The following IFT80 variants were observed in gnomAD, a reference collection of about 807,000 sequenced individuals.
IFT80 encodes the protein intraflagellar transport 80, also known as intraflagellar transport protein 80 homolog.
Under a neutral mutation model 107.9 loss-of-function variants are expected in IFT80, and 79 were observed. The ratio of observed to expected loss-of-function variants is 0.73; its 90% CI spans 0.61 to 0.88. IFT80 has a LOEUF of 0.88. Among genes scored for constraint, IFT80 ranks in the 40% least tolerant of loss-of-function variants. The pLI is 0.00. For synonymous variants in IFT80, 299 were observed against 300.9 expected, an observed-to-expected ratio of 0.99 and a Z score of 0.07; for missense variants, 797 against 914.2, an observed-to-expected ratio of 0.87 and a Z score of 1.65.
chr3:160,381,798 A>G, intron 2 of IFT80, 74 bp from the exon 3 acceptor site: 1 of 1,174,956 alleles, frequency 8.5e-7, no homozygotes, highest in Non-Finnish European at 1.3e-6. Flanking sequence ...GATGCAGATT[A>G]TAAGGTATAA....
chr3:160,277,294 C>A lies in IFT80; in HGVS notation c.2099+12G>T, dbSNP rs917855685. ...AACAGATTTTGGAACTGATGGAAAG[C>A]ATTCTTATTACCTTTCCCAGTTGTA... On this transcript the variant is annotated intron_variant, in intron 18 of 19. Transcript: ENST00000326448. 6.2e-7 allele frequency: 1 copy of A among 1,607,462 alleles called. No individual in the cohort carries two copies. Among genetic ancestry groups the A allele is most frequent in the African/African-American group, 1.3e-5 (1 of 74,848 alleles).
At chr3:160,383,902 A>G in intron 2 of IFT80, 4 of 985,446 alleles carry the variant, frequency 4.1e-6, no homozygotes, top group Non-Finnish European at 4.8e-6. Flanking sequence ...GCACAGTGGA[A>G]TGAATACATG....
intron 6 of IFT80, among the ~76,000 whole-genome samples, chr3:160,357,982 T>G (rs1721215644): frequency 6.6e-6 from 1 of 152,012 alleles, no homozygotes; most frequent in South Asian, 2.1e-4. Context: ...GATACTGCCT[T>G]CATGCTTGTT....
At chr3:160,265,002 A>T (rs1457915450) in intron 19 of IFT80, among the ~76,000 whole-genome samples, 1 of 152,166 alleles carries the variant, frequency 6.6e-6, no homozygotes, top group Non-Finnish European at 1.5e-5. Context: ...TTGCCTCACC[A>T]TAGGTCAGGA....
At chr3:160,381,227 A>G (rs1576897623) in intron 3 of IFT80, among the ~76,000 whole-genome samples, 1 of 86,654 alleles carries the variant, frequency 1.2e-5, no homozygotes, top group East Asian at 2.4e-4. Flanking sequence ...ACAGAGTGAG[A>G]CCCCATCTCT....
rs938799153 is a variant in IFT80 at position 160,381,112 on chromosome 3, C to T, written c.259+391G>A. Among the ~76,000 whole-genome samples the T allele has an allele frequency of 1.5e-4, 23 of 151,322 alleles. 1 individual carries two copies. The highest frequency in any genetic ancestry group is 5.6e-4 in the African/African-American group (23 of 41,312). ...ATTAACCAGATGTAATAGTGTGTGC[C>T]TGTAGTCCCAGCTACTCAAGAGGCT... On this transcript the variant is annotated intron_variant, in intron 3 of 19. Coordinates refer to ENST00000326448, the MANE Select transcript of IFT80 (RefSeq NM_020800.3).
chr3:160,392,396 T>C (rs1217069159), intron 1 of IFT80, among the ~76,000 whole-genome samples: 3 of 152,194 alleles, frequency 2.0e-5, no homozygotes, highest in African/African-American at 4.8e-5. Flanking sequence ...CCCACACTTT[T>C]ATATCTATTT....
chr3:160,381,412 T>C, intron 3 of IFT80, 91 bp downstream of exon 3: 1 of 950,036 alleles, frequency 1.1e-6, no homozygotes, highest in Non-Finnish European at 1.7e-6. Context: ...GATCCACAAA[T>C]ACCAGTTTTG....
chr3:160,353,520 T>C (rs546224065), intron 8 of IFT80, among the ~76,000 whole-genome samples: 2 of 152,376 alleles, frequency 1.3e-5, no homozygotes, highest in African/African-American at 4.8e-5. Flanking sequence ...ATGAAAATTT[T>C]ACAGACATTG....
intron 8 of IFT80, among the ~76,000 whole-genome samples, chr3:160,322,822 C>T (rs1303325554): frequency 6.6e-6 from 1 of 152,202 alleles, no homozygotes; most frequent in African/African-American, 2.4e-5. Flanking sequence ...CTTTTGGTTG[C>T]ATAAATGTCT....
At position 160,356,187 on chromosome 3, in the gene IFT80, A is replaced by G. The variant is rs775951500; in HGVS notation, c.640-37T>C. The G allele has an allele frequency of 2.5e-6, 4 of 1,585,436 alleles. No individual in the cohort carries two copies. The Middle Eastern group carries it at 5.1e-4, about 201-fold the overall frequency. ...ATTTTTAAAAATCTTTTATAATATC[A>G]GGGAGAAGTTTGCAAAAACTAAAAG... On this transcript the variant is annotated intron_variant, in intron 7 of 19. Transcript: ENST00000326448.
intron 10 of IFT80, 105 bp from the exon 11 acceptor site, chr3:160,304,094 C>T: frequency 1.3e-6 from 1 of 750,678 alleles, no homozygotes; most frequent in Admixed American, 2.1e-5. Flanking sequence ...AGTTTCATAG[C>T]AATTATATAC....
chr3:160,339,544 T>C (rs1005078253), intron 8 of IFT80, among the ~76,000 whole-genome samples: 4 of 152,190 alleles, frequency 2.6e-5, no homozygotes, highest in South Asian at 2.1e-4. Flanking sequence ...CAAAATGTGG[T>C]AAGGTTTTCT....
chr3:160,347,356 T>C (rs998912668), intron 8 of IFT80, among the ~76,000 whole-genome samples: 1 of 152,138 alleles, frequency 6.6e-6, no homozygotes, highest in Non-Finnish European at 1.5e-5. Context: ...AAAAATTGAT[T>C]CTGACATTTT....
In IFT80 at chr3:160,375,811, C is replaced by G; in HGVS notation, c.439+1G>C. The stretch of plus-strand genomic sequence containing the variant: ...ATGAAATTGTCAATTGTAAAACATA[C>G]CTTGCTGAGCTAAAGTTGATCTAAG... On this transcript the variant is annotated splice_donor_variant, in intron 5 of 19. Coordinates refer to ENST00000326448, the MANE Select transcript of IFT80 (RefSeq NM_020800.3). LOFTEE classifies it high-confidence loss of function. The G allele has an allele frequency of 6.2e-7, 1 of 1,607,140 alleles. No homozygotes were observed. The highest frequency in any genetic ancestry group is 8.5e-7 in the Non-Finnish European group (1 of 1,174,646).
rs1222935256 is a variant in IFT80, at chr3:160,346,921, G to C, written c.777+9092C>G. 2.0e-5 allele frequency among the ~76,000 whole-genome samples: 3 copies of C among 151,990 alleles called. No homozygotes were observed. In the East Asian group the frequency reaches 5.8e-4, roughly 29 times the overall value. On this transcript the variant is annotated intron_variant, in intron 8 of 19. Coordinates refer to ENST00000326448, the MANE Select transcript of IFT80 (RefSeq NM_020800.3). ...GTCTTTTCTGAGTGTGTCTGGCCCT[G>C]GGCATGTATGTTACATTCCAGATCC...
At chr3:160,290,654 C>G (rs1559921867) in intron 12 of IFT80, among the ~76,000 whole-genome samples, 1 of 152,042 alleles carries the variant, frequency 6.6e-6, no homozygotes, top group African/African-American at 2.4e-5. Flanking sequence ...AATCTCGGCT[C>G]ACTGCGAACT....
intron 8 of IFT80, among the ~76,000 whole-genome samples, chr3:160,346,178 T>A (rs1466656145): frequency 2.0e-5 from 3 of 152,178 alleles, no homozygotes; most frequent in Non-Finnish European, 4.4e-5. Context: ...CAGAAAGTTT[T>A]CAAAATCTAT....
intron 1 of IFT80, among the ~76,000 whole-genome samples, chr3:160,390,793 C>G (rs1302223988): frequency 6.6e-6 from 1 of 152,160 alleles, no homozygotes; most frequent in African/African-American, 2.4e-5. Context: ...ATATCATCAA[C>G]CTACTGGCCC....
Sources: gnomAD v4.1 joint callset for allele counts (sites outside exome capture counted in the v4.1 genomes callset) on GRCh38, gnomAD v4.1.1 for gene constraint, MANE v1.5 for transcripts, NCBI Gene and HGNC (gene_info 2026-07-23, HGNC 2026-07-21) for gene names.